CUL3: variants seen among roughly 807,000 people sequenced by gnomAD.
CUL3 encodes cullin-3.
In CUL3, 19 loss-of-function variants were observed where a neutral mutation model predicts 89.1. The ratio of observed to expected loss-of-function variants is 0.21; its 90% confidence interval spans 0.15 to 0.31. CUL3 has a LOEUF of 0.31. Ranked by LOEUF, CUL3 falls within the 10% of genes least tolerant of loss-of-function variation. CUL3 has a pLI of 1.00. For missense variants in CUL3, 469 were observed against 942.3 expected (o/e 0.50, Z 6.58); for synonymous variants, 351 against 308.4 (o/e 1.14, Z -1.45).
At chr2:224,492,185 G>C (rs143519531) in intron 13 of CUL3, among the ~76,000 whole-genome samples, 3 of 152,072 alleles carry the variant, frequency 2.0e-5, no homozygotes, top group African/African-American at 7.2e-5. Flanking sequence ...TTCAAAGTTC[G>C]CTAAACAGCC....
At chr2:224,507,645 G>A (rs1285157172) in intron 6 of CUL3, among the ~76,000 whole-genome samples, 1 of 152,080 alleles carries the variant, frequency 6.6e-6, no homozygotes, top group South Asian at 2.1e-4. Context: ...AGCATCCTAA[G>A]CCAATATCTG....
In CUL3 at chr2:224,563,279, T is replaced by C. The variant is rs16866048; in HGVS notation, c.67-5423A>G. 1,345 of 471,170 alleles carry C rather than the reference T, an allele frequency of 2.9e-3. 11 individuals are homozygous for C. Among genetic ancestry groups the C allele is most frequent in the African/African-American group, 0.025 (1,236 of 50,200 alleles). 29.2% of individuals were successfully genotyped at this position (471,170 alleles called of 1,614,324 possible). ...TTTTCCAGAGCCATTTAAATCATTTTCACCCTGAGAACTCTGTCCTTGGCT... is the reference window on the plus strand; with the variant it reads ...TTTTCCAGAGCCATTTAAATCATTTCCACCCTGAGAACTCTGTCCTTGGCT... On this transcript the variant is annotated intron_variant, in intron 1 of 15. Transcript: ENST00000264414.
At chr2:224,510,219 G>GCT (rs35677866) in intron 6 of CUL3, among the ~76,000 whole-genome samples, 1,062 of 105,332 alleles carry the variant, frequency 0.01, 3 homozygotes, top group Non-Finnish European at 0.013. Context: ...GATGACTTCT[G>GCT]TTTTTTTTTT....
intron 1 of CUL3, among the ~76,000 whole-genome samples, chr2:224,569,336 C>T (rs989488337): frequency 6.6e-6 from 1 of 152,038 alleles, no homozygotes; most frequent in African/African-American, 2.4e-5. Flanking sequence ...CCCAAGAAGG[C>T]CAAGTTACAA....
At chr2:224,573,424 C>G (rs1238082015) in intron 1 of CUL3, among the ~76,000 whole-genome samples, 1 of 152,124 alleles carries the variant, frequency 6.6e-6, no homozygotes, top group Admixed American at 6.5e-5. Flanking sequence ...ACACTAAGGT[C>G]CCCTTAAACA....
chr2:224,518,571 A>G (rs1270424516), intron 3 of CUL3, among the ~76,000 whole-genome samples: 4 of 152,040 alleles, frequency 2.6e-5, no homozygotes, highest in Non-Finnish European at 2.9e-5. Flanking sequence ...TTAATAAAAA[A>G]CCTCTAATAG....
intron 15 of CUL3, 47 bp from the exon 16 acceptor site, chr2:224,474,423 CG>C: frequency 6.5e-7 from 1 of 1,535,302 alleles, no homozygotes; most frequent in Non-Finnish European, 8.9e-7. Context: ...CATAAAAATT[CG>C]TATCTTTGAA....
At chr2:224,515,750 C>T (rs1693015794) in intron 3 of CUL3, among the ~76,000 whole-genome samples, 1 of 151,280 alleles carries the variant, frequency 6.6e-6, no homozygotes, top group Non-Finnish European at 1.5e-5. Flanking sequence ...GGCTGGAGTA[C>T]AGTGGTGCCA....
intron 15 of CUL3, among the ~76,000 whole-genome samples, chr2:224,475,136 GCCT>G (rs534869227): frequency 5.4e-4 from 82 of 152,082 alleles, no homozygotes; most frequent in Non-Finnish European, 9.6e-4. Flanking sequence ...TCCTGCCTCA[GCCT>G]CCTGAGTAGC....
intron 13 of CUL3, among the ~76,000 whole-genome samples, chr2:224,491,060 G>A (rs567495769): frequency 5.3e-5 from 8 of 152,248 alleles, no homozygotes; most frequent in Non-Finnish European, 1.0e-4. Context: ...CTTTCACTGA[G>A]CTTTCCTACC....
chr2:224,483,511 T>C (rs1691605943), intron 13 of CUL3, among the ~76,000 whole-genome samples: 1 of 152,214 alleles, frequency 6.6e-6, no homozygotes, highest in African/African-American at 2.4e-5. Context: ...ATCTTTACTA[T>C]TACTATTTTA....
At chr2:224,576,427 C>T (rs1370128026) in intron 1 of CUL3, among the ~76,000 whole-genome samples, 2 of 152,170 alleles carry the variant, frequency 1.3e-5, no homozygotes, top group African/African-American at 4.8e-5. Context: ...TACAGAAGTG[C>T]CACATGATCT....
At chr2:224,531,068 C>T (rs1693679327) in intron 3 of CUL3, among the ~76,000 whole-genome samples, 1 of 146,938 alleles carries the variant, frequency 6.8e-6, no homozygotes, top group African/African-American at 2.5e-5. Flanking sequence ...TCAACACTTT[C>T]TTTTTGAACC....
chr2:224,581,892 A>T (rs1384764723), intron 1 of CUL3, among the ~76,000 whole-genome samples: 5 of 152,220 alleles, frequency 3.3e-5, no homozygotes, highest in African/African-American at 7.2e-5. Flanking sequence ...CAACAGATGT[A>T]AAATACAATA....
Position 224,487,675 on chromosome 2 carries a change from C to T in CUL3, c.1843-5597G>A, listed in dbSNP as rs562635821. On this transcript the variant is annotated intron_variant, in intron 13 of 15. Coordinates refer to ENST00000264414, the MANE Select transcript of CUL3 (RefSeq NM_003590.5). ...AATAGGGGGAGACTTTGATACCCCA[C>T]TGTCAATATTAGACAGATCAATGAG... 3.9e-5 allele frequency among the ~76,000 whole-genome samples: 6 copies of T among 152,142 alleles called. No homozygotes were observed. The South Asian group carries it at 1.2e-3, about 32-fold the overall frequency.
intron 1 of CUL3, among the ~76,000 whole-genome samples, chr2:224,572,384 C>A (rs938497851): frequency 1.1e-4 from 17 of 152,060 alleles, no homozygotes; most frequent in African/African-American, 3.9e-4. Flanking sequence ...GCAGCTCACG[C>A]CTGTAATCCT....
chr2:224,476,062 C>T (rs368738184), intron 15 of CUL3, among the ~76,000 whole-genome samples: 3 of 151,542 alleles, frequency 2.0e-5, no homozygotes, highest in East Asian at 1.9e-4. Context: ...CTCGCTCTGT[C>T]GCCCAGGGTG....
chr2:224,549,244 A>G (rs1057063552), intron 2 of CUL3, among the ~76,000 whole-genome samples: 1 of 151,728 alleles, frequency 6.6e-6, no homozygotes, highest in Non-Finnish European at 1.5e-5. Context: ...TTGAAACTAC[A>G]AGGTGGAGAT....
Position 224,576,015 on chromosome 2 carries a change from A to G in CUL3, c.66+8929T>C, listed in dbSNP as rs542751675. Among the ~76,000 whole-genome samples the G allele has an allele frequency of 2.6e-5, 4 of 152,374 alleles. No individual in the cohort carries two copies. In the East Asian group the frequency reaches 7.7e-4, roughly 29 times the overall value. On this transcript the variant is annotated intron_variant, in intron 1 of 15. Transcript: ENST00000264414. ...ATATCTGTGAGGAATGTATTAACAT[A>G]GTATCTGTGAGGAAGGTATTAAACT... is the stretch of plus-strand genomic sequence containing the variant.
Sources: gnomAD v4.1 joint callset for allele counts (sites outside exome capture counted in the v4.1 genomes callset) on GRCh38, gnomAD v4.1.1 for gene constraint, MANE v1.5 for transcripts, NCBI Gene and HGNC (gene_info 2026-07-23, HGNC 2026-07-21) for gene names.